Variants in TMEM209 observed in about 807,000 individuals in gnomAD.
TMEM209 encodes the protein testicular tissue protein Li 202.
In TMEM209, 65 loss-of-function variants were observed where a neutral mutation model predicts 76.2. The ratio of observed to expected loss-of-function variants is 0.85; its 90% CI spans 0.70 to 1.05. The LOEUF (loss-of-function observed/expected upper bound fraction) is 1.05, where lower values mean the gene tolerates loss of function less well. Ranked by LOEUF, TMEM209 falls within the 50% of genes least tolerant of loss-of-function variation. The pLI is 0.00. For missense variants in TMEM209, 623 were observed against 685.5 expected (o/e 0.91, Z 1.02); for synonymous variants, 239 against 237.6 (o/e 1.01, Z -0.06).
rs1393118346 is a variant in TMEM209 at position 130,170,317 on chromosome 7, C to T, written c.1631+83G>A. On this transcript the variant is annotated intron_variant, in intron 14 of 14. Transcript: ENST00000397622. ...TGTTCAATCCATAAACCTTCAGTTA[C>T]ATGCTGCTGCCTTCTGCAGAATCTT... The T allele has an allele frequency of 4.3e-6, 5 of 1,152,138 alleles. No individual in the cohort carries two copies. In the East Asian group the frequency reaches 9.4e-5, roughly 22 times the overall value. The allele number at this position is 1,152,138 out of a possible 1,614,324, so 71.4% of individuals were successfully genotyped here.
At chr7:130,199,732 A>G (rs1402580182) in intron 5 of TMEM209, 2 of 152,188 alleles carry the variant, frequency 1.3e-5, no homozygotes, top group Admixed American at 1.3e-4. Context: ...AATAAAAATT[A>G]TATTTTGGTG....
At chr7:130,182,584 C>T (rs371465573) in intron 8 of TMEM209, among the ~76,000 whole-genome samples, 6 of 152,148 alleles carry the variant, frequency 3.9e-5, no homozygotes, top group East Asian at 1.9e-4. Context: ...CTTTCAAATG[C>T]CTTTTCCATG....
chr7:130,181,723 G>C lies in TMEM209; in HGVS notation c.1024-4C>G, dbSNP rs1797420600. ...CTAATATTGTCTCATTGATCCACTA[G>C]AAGAAATAAGGTACAGATTTTGGAT... On this transcript the variant is annotated splice_polypyrimidine_tract_variant and splice_region_variant and intron_variant, in intron 8 of 14. Transcript: ENST00000397622. The C allele has an allele frequency of 6.3e-7, 1 of 1,599,728 alleles. No individual in the cohort carries two copies. Among genetic ancestry groups the C allele is most frequent in the Non-Finnish European group, 8.5e-7 (1 of 1,172,152 alleles).
chr7:130,169,549 C>CCTGA (rs1379570703), intron 14 of TMEM209, among the ~76,000 whole-genome samples: 1 of 152,160 alleles, frequency 6.6e-6, no homozygotes, highest in Admixed American at 6.5e-5. Flanking sequence ...CTTTAGCGCA[C>CCTGA]CTCAATTTGG....
At chr7:130,186,103 G>A (rs1044426244) in intron 6 of TMEM209, among the ~76,000 whole-genome samples, 1 of 151,986 alleles carries the variant, frequency 6.6e-6, no homozygotes, top group Admixed American at 6.6e-5. Flanking sequence ...AAATAAGCAA[G>A]TTTTTGACAA....
Position 130,204,194 on chromosome 7 carries a change from G to T in TMEM209, c.4-84C>A, listed in dbSNP as rs544309710. The T allele has an allele frequency of 1.5e-5, 21 of 1,442,644 alleles. 1 individual carries two copies. In the African/African-American group the frequency reaches 2.9e-4, roughly 20 times the overall value. 89.4% of individuals were successfully genotyped at this position (1,442,644 alleles called of 1,614,324 possible). On this transcript the variant is annotated intron_variant, in intron 1 of 14. Coordinates refer to ENST00000397622, the MANE Select transcript of TMEM209 (RefSeq NM_032842.4). ...ACCAAATTTTGCATCCCTTATAAAGGTAACTGAAACCGCATATACCTTCTC... is the reference window on the plus strand; with the variant it reads ...ACCAAATTTTGCATCCCTTATAAAGTTAACTGAAACCGCATATACCTTCTC...
chr7:130,204,449 C>T (rs1160664231), intron 1 of TMEM209, among the ~76,000 whole-genome samples: 1 of 152,204 alleles, frequency 6.6e-6, no homozygotes, highest in Non-Finnish European at 1.5e-5. Context: ...TCAAGCGATT[C>T]TCCTGCCTCA....
intron 9 of TMEM209, 145 bp downstream of exon 9, chr7:130,181,478 G>A (rs1032018883): frequency 1.4e-5 from 9 of 634,778 alleles, no homozygotes; most frequent in South Asian, 8.3e-5. Flanking sequence ...AAGCTGTCAC[G>A]TTAAAAAAAA....
intron 10 of TMEM209, among the ~76,000 whole-genome samples, chr7:130,177,932 A>T (rs1299590322): frequency 6.6e-6 from 1 of 152,180 alleles, no homozygotes; most frequent in Non-Finnish European, 1.5e-5. Context: ...AAGTTTATCC[A>T]AATTTTAAAA....
At chr7:130,205,036 G>T (rs1798391330) in intron 1 of TMEM209, 1 of 1,278,514 alleles carries the variant, frequency 7.8e-7, no homozygotes, top group Admixed American at 3.2e-5. Context: ...TCCACATTTG[G>T]GATTTATAAT....
In TMEM209 at chr7:130,166,054, A is replaced by G. The variant is rs1425111120; in HGVS notation, c.*397T>C. ...GTCTGCGTTGACAGAGACCCTCTCT[A>G]AAAAAAAAAAAGACTGAAAAAAATT... On this transcript the variant is annotated 3_prime_UTR_variant, in exon 15 of 15. Transcript: ENST00000397622. 1 of 144,182 alleles carries G rather than the reference A, an allele frequency of 6.9e-6. No homozygotes were observed. The highest frequency in any genetic ancestry group is 2.5e-5 in the African/African-American group (1 of 39,644). The allele number at this position is 144,182 out of a possible 1,614,324, so 8.9% of individuals were successfully genotyped here.
intron 11 of TMEM209, among the ~76,000 whole-genome samples, chr7:130,174,500 G>A (rs1481114624): frequency 6.6e-6 from 1 of 151,996 alleles, no homozygotes; most frequent in Non-Finnish European, 1.5e-5. Flanking sequence ...GGCATTCTTA[G>A]TTTTTTGCTA....
intron 9 of TMEM209, among the ~76,000 whole-genome samples, chr7:130,179,855 T>G (rs1056114814): frequency 6.6e-6 from 1 of 152,156 alleles, no homozygotes; most frequent in Admixed American, 6.6e-5. Context: ...TCCCAGCTAC[T>G]TGGATGCGGC....
chr7:130,194,528 CCT>C (rs1797907258), intron 5 of TMEM209, among the ~76,000 whole-genome samples: 1 of 152,054 alleles, frequency 6.6e-6, no homozygotes, highest in African/African-American at 2.4e-5. Context: ...ATAATATAAT[CCT>C]TTTTCATATT....
At chr7:130,204,131 C>G (rs1427638545) in intron 1 of TMEM209, 21 bp from the exon 2 acceptor site, 3 of 1,592,760 alleles carry the variant, frequency 1.9e-6, no homozygotes, top group Admixed American at 3.6e-5. Flanking sequence ...ACAAAAAGCA[C>G]AGGAATTAAC....
chr7:130,200,042 G>A (rs1416567325), intron 5 of TMEM209: 2 of 151,596 alleles, frequency 1.3e-5, no homozygotes, highest in African/African-American at 4.9e-5. Flanking sequence ...ATATTATGGT[G>A]GGGAGGGGAA....
At chr7:130,169,094 G>A (rs1296803890) in intron 14 of TMEM209, among the ~76,000 whole-genome samples, 5 of 151,478 alleles carry the variant, frequency 3.3e-5, no homozygotes, top group Non-Finnish European at 7.4e-5. Flanking sequence ...CGGCATGGTG[G>A]CGGGCATCTG....
chr7:130,166,776 CAG>C (rs1423431045), intron 14 of TMEM209, among the ~76,000 whole-genome samples: 1 of 151,982 alleles, frequency 6.6e-6, no homozygotes, highest in Non-Finnish European at 1.5e-5. Context: ...TAATAGCTAA[CAG>C]AATAATTTTA....
chr7:130,202,460 TG>T, intron 4 of TMEM209, 71 bp downstream of exon 4: 1 of 1,536,774 alleles, frequency 6.5e-7, no homozygotes, highest in Non-Finnish European at 8.7e-7. Flanking sequence ...GTCTACGAAA[TG>T]GGAAAATTAA....
Sources: allele counts gnomAD v4.1 joint callset (sites outside exome capture counted in the v4.1 genomes callset), GRCh38; gene constraint gnomAD v4.1.1; transcripts MANE v1.5; gene names NCBI Gene and HGNC (gene_info 2026-07-23, HGNC 2026-07-21).